The following COMMD10 variants were observed in gnomAD, a reference collection of about 807,000 sequenced individuals.
COMMD10 encodes COMM domain-containing protein 10.
In COMMD10, 33 loss-of-function variants were observed where a neutral mutation model predicts 28.9. The ratio of observed to expected loss-of-function variants is 1.14; its 90% confidence interval spans 0.87 to 1.53. COMMD10 has a LOEUF of 1.53. Ranked by LOEUF, COMMD10 falls within the 40% of genes most tolerant of loss-of-function variation. The pLI, the probability that COMMD10 is intolerant of heterozygous loss-of-function variation, is 0.00. For missense variants in COMMD10, 310 were observed against 233.4 expected, an observed-to-expected ratio of 1.33 and a Z score of -2.14; for synonymous variants, 110 against 81.7, an observed-to-expected ratio of 1.35 and a Z score of -1.87.
At chr5:116,153,189 A>G (rs1156608496) in intron 5 of COMMD10, among the ~76,000 whole-genome samples, 1 of 152,130 alleles carries the variant, frequency 6.6e-6, no homozygotes, top group Non-Finnish European at 1.5e-5. Flanking sequence ...ATAGGTTAAG[A>G]TACAGGATAA....
chr5:116,206,968 C>G (rs1050814060), intron 5 of COMMD10, among the ~76,000 whole-genome samples: 3 of 145,596 alleles, frequency 2.1e-5, no homozygotes, highest in Non-Finnish European at 4.4e-5. Flanking sequence ...AAAAAAACTT[C>G]AAAGATACAT....
chr5:116,128,450 TAAAG>T (rs764162584), intron 4 of COMMD10, among the ~76,000 whole-genome samples: 10 of 152,046 alleles, frequency 6.6e-5, no homozygotes, highest in Admixed American at 1.3e-4. Flanking sequence ...TATGAAATAA[TAAAG>T]AAATTACATT....
At position 116,217,172 on chromosome 5, in the gene COMMD10, C is replaced by G. The variant is rs556516234; in HGVS notation, c.511-74345C>G. 3.2e-4 allele frequency among the ~76,000 whole-genome samples: 48 copies of G among 151,170 alleles called. 1 individual carries two copies. The South Asian group carries it at 9.2e-3, about 29-fold the overall frequency. ...GAAGAAAAAAAAAAGTCCCCGCAAT[C>G]CCACTGTGCAAATCAACCACTCTTT... On this transcript the variant is annotated intron_variant, in intron 5 of 6. Transcript: ENST00000274458.
chr5:116,276,155 CT>C (rs1262725928), intron 5 of COMMD10, among the ~76,000 whole-genome samples: 3 of 151,112 alleles, frequency 2.0e-5, no homozygotes, highest in African/African-American at 4.9e-5. Flanking sequence ...TCAGAAGAGT[CT>C]TAAAGTATCA....
intron 4 of COMMD10, among the ~76,000 whole-genome samples, chr5:116,126,386 A>G (rs1342692915): frequency 1.3e-5 from 2 of 150,526 alleles, no homozygotes; most frequent in African/African-American, 5.0e-5. Flanking sequence ...TCCCCATCAA[A>G]CTACCAATGA....
rs568045766 is a variant in COMMD10, at chr5:116,104,255, G to C, written c.399+11555G>C. ...CTTTGGACAGTATAGCCATTTTCAC[G>C]ATATTGATTCTTCCTATCCATGAGC... is the stretch of plus-strand genomic sequence containing the variant. On this transcript the variant is annotated intron_variant, in intron 4 of 6. Transcript: ENST00000274458. 3.7e-4 allele frequency among the ~76,000 whole-genome samples: 57 copies of C among 152,238 alleles called. No homozygotes were observed. The South Asian group carries it at 0.012, about 32-fold the overall frequency.
intron 5 of COMMD10, among the ~76,000 whole-genome samples, chr5:116,242,548 A>T (rs993400206): frequency 6.6e-6 from 1 of 152,208 alleles, no homozygotes; most frequent in Admixed American, 6.5e-5. Context: ...TTCAGTAGCT[A>T]GTGGCCTGCT....
intron 4 of COMMD10, among the ~76,000 whole-genome samples, chr5:116,108,782 C>T (rs369606022): frequency 7.9e-5 from 12 of 152,284 alleles, no homozygotes; most frequent in East Asian, 3.9e-4. Flanking sequence ...TCTGCCCAAA[C>T]GGCCACCCAG....
chr5:116,223,501 T>A (rs1749317647), intron 5 of COMMD10, among the ~76,000 whole-genome samples: 1 of 152,170 alleles, frequency 6.6e-6, no homozygotes, highest in Non-Finnish European at 1.5e-5. Flanking sequence ...AATGAAACAT[T>A]AAATTTCTAA....
At chr5:116,158,132 C>G (rs1254081541) in intron 5 of COMMD10, among the ~76,000 whole-genome samples, 1 of 129,538 alleles carries the variant, frequency 7.7e-6, no homozygotes, top group Non-Finnish European at 1.6e-5. Flanking sequence ...CTCCCTCCCT[C>G]CCTTCCCCTC....
chr5:116,219,879 C>A (rs145281355), intron 5 of COMMD10, among the ~76,000 whole-genome samples: 2 of 151,950 alleles, frequency 1.3e-5, no homozygotes, highest in Non-Finnish European at 2.9e-5. Flanking sequence ...TTTTTGTAAA[C>A]TGCCTCTTTC....
At chr5:116,241,705 C>T (rs985758748) in intron 5 of COMMD10, among the ~76,000 whole-genome samples, 1 of 152,066 alleles carries the variant, frequency 6.6e-6, no homozygotes, top group East Asian at 1.9e-4. Context: ...CTCCGCCTCC[C>T]GGGTTCTCGC....
chr5:116,287,951 T>G (rs1751263180), intron 5 of COMMD10, among the ~76,000 whole-genome samples: 1 of 151,846 alleles, frequency 6.6e-6, no homozygotes, highest in African/African-American at 2.4e-5. Flanking sequence ...TTGGGGTTTT[T>G]TCATTTAAAT....
At chr5:116,221,120 G>C (rs1749242166) in intron 5 of COMMD10, among the ~76,000 whole-genome samples, 1 of 147,974 alleles carries the variant, frequency 6.8e-6, no homozygotes, top group African/African-American at 2.5e-5. Flanking sequence ...AGGCACATTG[G>C]CACCTTTGAG....
At chr5:116,220,055 TCTAAC>T (rs75856490) in intron 5 of COMMD10, among the ~76,000 whole-genome samples, 11,091 of 152,236 alleles carry the variant, frequency 0.073, 468 homozygotes, top group Admixed American at 0.13. Context: ...CCCAGGTTAT[TCTAAC>T]CTTGAAAGTC....
At chr5:116,171,124 A>ACATG (rs777260364) in intron 5 of COMMD10, among the ~76,000 whole-genome samples, 5 of 141,542 alleles carry the variant, frequency 3.5e-5, no homozygotes, top group Admixed American at 6.9e-5. Context: ...CAAATAACTT[A>ACATG]AATAAATTTA....
At chr5:116,164,081 C>A (rs1377138181) in intron 5 of COMMD10, among the ~76,000 whole-genome samples, 1 of 152,148 alleles carries the variant, frequency 6.6e-6, no homozygotes, top group Admixed American at 6.6e-5. Flanking sequence ...TTTTGGGAAG[C>A]TAAGGAGGGC....
chr5:116,132,023 G>A (rs1410413802), intron 4 of COMMD10, among the ~76,000 whole-genome samples: 1 of 151,970 alleles, frequency 6.6e-6, no homozygotes, highest in Non-Finnish European at 1.5e-5. Context: ...TAGGTAGTAA[G>A]GAGCTATTGG....
chr5:116,168,410 C>T (rs561748334), intron 5 of COMMD10, among the ~76,000 whole-genome samples: 264 of 151,882 alleles, frequency 1.7e-3, no homozygotes, highest in Non-Finnish European at 2.8e-3. Context: ...ACCACACTTT[C>T]GATATTAGAT....
Sources: allele counts gnomAD v4.1 joint callset (sites outside exome capture counted in the v4.1 genomes callset), GRCh38; gene constraint gnomAD v4.1.1; transcripts MANE v1.5; gene names NCBI Gene and HGNC (gene_info 2026-07-23, HGNC 2026-07-21).